Variants in PDE1C observed in about 807,000 individuals in gnomAD.
PDE1C encodes dual specificity calcium/calmodulin-dependent 3',5'-cyclic nucleotide phosphodiesterase 1C.
In PDE1C, 62 loss-of-function variants were observed where a neutral mutation model predicts 93.1. The observed-to-expected ratio is 0.67, with a 90% CI of 0.54 to 0.82. PDE1C has a LOEUF of 0.82. Ranked by LOEUF, PDE1C falls within the 40% of genes least tolerant of loss-of-function variation. PDE1C has a pLI of 0.00. For missense variants in PDE1C, 742 were observed against 884.6 expected, an observed-to-expected ratio of 0.84 and a Z score of 2.04; for synonymous variants, 325 against 310.1, an observed-to-expected ratio of 1.05 and a Z score of -0.50.
At chr7:31,888,957 T>C (rs1272660371) in intron 2 of PDE1C, among the ~76,000 whole-genome samples, 8 of 152,110 alleles carry the variant, frequency 5.3e-5, no homozygotes, top group Admixed American at 3.9e-4. Context: ...TCTTACAAAA[T>C]ATATAAAATC....
chr7:31,748,832 C>G (rs562114380), downstream of PDE1C, among the ~76,000 whole-genome samples: 1 of 152,198 alleles, frequency 6.6e-6, no homozygotes, highest in Non-Finnish European at 1.5e-5. Context: ...CCTAATTTGA[C>G]AAACTCTCAA....
At chr7:32,105,253 A>G (rs1459321368) in intron 3 of PDE1C, among the ~76,000 whole-genome samples, 1 of 152,184 alleles carries the variant, frequency 6.6e-6, no homozygotes. Flanking sequence ...ATAAGCCTGG[A>G]AAAACAAAGA....
At chr7:31,783,148 C>T (rs967638898) in intron 16 of PDE1C, among the ~76,000 whole-genome samples, 2 of 152,120 alleles carry the variant, frequency 1.3e-5, no homozygotes, top group African/African-American at 4.8e-5. Context: ...AAAAAGTTTG[C>T]AATTCAGAAA....
intron 2 of PDE1C, among the ~76,000 whole-genome samples, chr7:32,037,915 C>A (rs961374308): frequency 7.2e-5 from 11 of 152,158 alleles, no homozygotes; most frequent in Admixed American, 2.0e-4. Context: ...ATACACTCAA[C>A]TCAAAACATT....
chr7:32,034,476 C>T (rs543104029), intron 2 of PDE1C, among the ~76,000 whole-genome samples: 5 of 152,254 alleles, frequency 3.3e-5, no homozygotes, highest in South Asian at 2.1e-4. Flanking sequence ...AGAGGCTGAG[C>T]GATTTGGAGA....
At chr7:32,244,807 A>G (rs1808802396) in intron 1 of PDE1C, among the ~76,000 whole-genome samples, 1 of 152,170 alleles carries the variant, frequency 6.6e-6, no homozygotes. Context: ...TCTCCTGGAC[A>G]TCACTGCCCT....
intron 1 of PDE1C, among the ~76,000 whole-genome samples, chr7:32,227,641 G>C (rs372120029): frequency 1.3e-5 from 2 of 152,158 alleles, no homozygotes; most frequent in Non-Finnish European, 2.9e-5. Context: ...CCAATAAGCC[G>C]CCTGCTAGAA....
At chr7:31,998,447 T>C (rs1262262266) in intron 2 of PDE1C, among the ~76,000 whole-genome samples, 3 of 152,224 alleles carry the variant, frequency 2.0e-5, no homozygotes, top group Non-Finnish European at 4.4e-5. Flanking sequence ...TCTGTGCATT[T>C]ATTATGTCAA....
Position 32,293,536 on chromosome 7 carries a change from C to T in PDE1C, c.85+5115G>A, listed in dbSNP as rs76953321. 6.2e-3 allele frequency among the ~76,000 whole-genome samples: 944 copies of T among 152,260 alleles called. 2 individuals carry two copies. Among genetic ancestry groups the T allele is most frequent in the Non-Finnish European group, 0.011 (727 of 68,012 alleles). ...AACAGCGCAGTTGTTTCATGCATAC[C>T]TTCACTCGATCCTCACCATACTGCC... On this transcript the variant is annotated intron_variant, in intron 1 of 18. Coordinates refer to the PDE1C transcript ENST00000396193.
chr7:32,028,466 A>G (rs762002464), intron 2 of PDE1C, among the ~76,000 whole-genome samples: 8 of 152,150 alleles, frequency 5.3e-5, no homozygotes, highest in African/African-American at 1.9e-4. Context: ...GCTCTATGCC[A>G]ATGTGAAAAC....
At chr7:32,239,361 C>G (rs1341308261) in intron 1 of PDE1C, among the ~76,000 whole-genome samples, 1 of 152,076 alleles carries the variant, frequency 6.6e-6, no homozygotes, top group Non-Finnish European at 1.5e-5. Flanking sequence ...CTATTACACT[C>G]CAGCCCAAAA....
chr7:31,879,066 T>C lies in PDE1C; in HGVS notation c.355A>G (p.Arg119Gly). 6.2e-7 allele frequency: 1 copy of C among 1,614,180 alleles called. No individual in the cohort carries two copies. Among genetic ancestry groups the C allele is most frequent in the Non-Finnish European group, 8.5e-7 (1 of 1,180,006 alleles). ...TFTRQMGMML[R>G]RSDEKPRFKS... ...AACCGGGGCTTCTCGTCGCTCCTCC[T>C]GAGCATCATCCCCATCTGCCGCGTG... is the stretch of plus-strand genomic sequence containing the variant. Residue 119 changes from arginine (R) to glycine (G), a missense_variant, in exon 4 of 18, where the codon AGG (arginine) becomes GGG (glycine). Coordinates refer to ENST00000396191, the MANE Select transcript of PDE1C (RefSeq NM_001191057.4).
At chr7:32,264,137 G>C (rs771556588) in intron 1 of PDE1C, among the ~76,000 whole-genome samples, 1 of 152,132 alleles carries the variant, frequency 6.6e-6, no homozygotes, top group Non-Finnish European at 1.5e-5. Context: ...AGCTCTACAG[G>C]TCACTAGGGT....
At chr7:32,110,913 A>G (rs1214065464) in intron 3 of PDE1C, among the ~76,000 whole-genome samples, 2 of 152,198 alleles carry the variant, frequency 1.3e-5, no homozygotes, top group Non-Finnish European at 2.9e-5. Flanking sequence ...CACATCTCAC[A>G]TTGAACATAC....
chr7:31,763,446 G>A (rs1262718090), intron 17 of PDE1C, among the ~76,000 whole-genome samples: 1 of 152,152 alleles, frequency 6.6e-6, no homozygotes. Flanking sequence ...TTTGGGAGAG[G>A]TGGGTGGTCT....
At chr7:32,373,289 T>G (rs1011349756) in intron 1 of PDE1C, among the ~76,000 whole-genome samples, 3 of 152,186 alleles carry the variant, frequency 2.0e-5, no homozygotes, top group Non-Finnish European at 4.4e-5. Context: ...CAAAAAGGAA[T>G]GGAGTACTGA....
intron 1 of PDE1C, among the ~76,000 whole-genome samples, chr7:32,330,815 G>A (rs1783498101): frequency 6.6e-6 from 1 of 152,182 alleles, no homozygotes; most frequent in African/African-American, 2.4e-5. Flanking sequence ...AAAACACTAT[G>A]GGTGGGACAG....
chr7:32,108,014 TA>T (rs879884658), intron 3 of PDE1C, among the ~76,000 whole-genome samples: 3 of 150,820 alleles, frequency 2.0e-5, no homozygotes, highest in Non-Finnish European at 4.4e-5. Context: ...TATACTAAGA[TA>T]AAAAATAAAA....
chr7:32,255,313 G>A (rs546062350), intron 1 of PDE1C, among the ~76,000 whole-genome samples: 5 of 152,314 alleles, frequency 3.3e-5, no homozygotes, highest in African/African-American at 1.2e-4. Flanking sequence ...TGAGAGAGCA[G>A]CAGACGCAGG....
Sources: gnomAD v4.1 joint callset for allele counts (sites outside exome capture counted in the v4.1 genomes callset) on GRCh38, gnomAD v4.1.1 for gene constraint, MANE v1.5 for transcripts, NCBI Gene and HGNC (gene_info 2026-07-23, HGNC 2026-07-21) for gene names.